The following GPHN variants were observed in gnomAD, a reference collection of about 807,000 sequenced individuals.
GPHN encodes the protein gephyrin.
Under a neutral mutation model 95.5 loss-of-function variants are expected in GPHN, and 17 were observed. That is an observed-to-expected ratio of 0.18 (90% CI 0.12 to 0.27). GPHN has a LOEUF of 0.27. Among genes scored for constraint, GPHN ranks in the 10% least tolerant of loss-of-function variants. The pLI is 1.00. For synonymous variants in GPHN, 320 were observed against 322.5 expected (o/e 0.99, Z 0.08); for missense variants, 660 against 978.1 (o/e 0.67, Z 4.34).
intron 2 of GPHN, chr14:66,760,729 T>A: frequency 2.2e-6 from 1 of 464,856 alleles, no homozygotes; most frequent in Non-Finnish European, 4.1e-6. Flanking sequence ...TTATAGTGGA[T>A]AATTCATTTG....
the GPHN span, among the ~76,000 whole-genome samples, chr14:67,526,084 G>A: frequency 6.6e-6 from 1 of 152,174 alleles, no homozygotes; most frequent in Non-Finnish European, 1.5e-5. Context: ...CTTTGTGTGG[G>A]TCCACTTTAG....
the GPHN span, chr14:67,727,340 G>A: frequency 8.2e-6 from 6 of 727,370 alleles, no homozygotes; most frequent in South Asian, 9.3e-5. Flanking sequence ...AATAAAAACA[G>A]AGTGCTTGCC....
intron 10 of GPHN, among the ~76,000 whole-genome samples, chr14:67,052,496 A>G (rs2075351578): frequency 6.6e-6 from 1 of 152,190 alleles, no homozygotes; most frequent in African/African-American, 2.4e-5. Flanking sequence ...CCACACAATA[A>G]TAGTGGGAGG....
intron 2 of GPHN, among the ~76,000 whole-genome samples, chr14:66,687,571 C>T (rs1054160196): frequency 1.3e-5 from 2 of 150,432 alleles, no homozygotes; most frequent in African/African-American, 2.5e-5. Flanking sequence ...TCACCGCAAC[C>T]TCTCGCCTCC....
intron 3 of GPHN, among the ~76,000 whole-genome samples, chr14:66,814,779 A>G (rs1317731819): frequency 6.6e-6 from 1 of 152,152 alleles, no homozygotes. Context: ...TGACCACACC[A>G]TCTCTCCAGC....
At chr14:66,516,905 G>A (rs1163979320) in intron 1 of GPHN, among the ~76,000 whole-genome samples, 2 of 152,070 alleles carry the variant, frequency 1.3e-5, no homozygotes, top group African/African-American at 2.4e-5. Context: ...GCTGAGGCGG[G>A]CAGATCACGA....
At chr14:67,020,696 G>A (rs533606626) in intron 9 of GPHN, among the ~76,000 whole-genome samples, 1 of 151,976 alleles carries the variant, frequency 6.6e-6, no homozygotes, top group Non-Finnish European at 1.5e-5. Flanking sequence ...ATAATATGCT[G>A]TTCCTACATG....
chr14:66,763,712 G>T (rs1310417099), intron 2 of GPHN, among the ~76,000 whole-genome samples: 1 of 151,978 alleles, frequency 6.6e-6, no homozygotes, highest in Admixed American at 6.6e-5. Context: ...TTCAAGCAGG[G>T]TTCCCCAAAC....
At chr14:67,204,581 A>T in the GPHN span, 1 of 1,613,696 alleles carries the variant, frequency 6.2e-7, no homozygotes, top group Non-Finnish European at 8.5e-7. Flanking sequence ...CATGATGCGG[A>T]GAACATGAGC....
At chr14:67,734,646 G>C in the GPHN span, among the ~76,000 whole-genome samples, 1 of 152,194 alleles carries the variant, frequency 6.6e-6, no homozygotes, top group East Asian at 1.9e-4. Flanking sequence ...TGTAGCTGCT[G>C]GGAGGAATCC....
the GPHN span, chr14:67,685,167 T>C: frequency 6.2e-7 from 1 of 1,614,142 alleles, no homozygotes; most frequent in Non-Finnish European, 8.5e-7. Context: ...CAGATTGGAC[T>C]GTGCCAGGGT....
At chr14:66,776,245 A>G (rs1411768363) in intron 2 of GPHN, among the ~76,000 whole-genome samples, 1 of 152,118 alleles carries the variant, frequency 6.6e-6, no homozygotes, top group Non-Finnish European at 1.5e-5. Flanking sequence ...TTATGGGTAA[A>G]AAATCTAACA....
the GPHN span, chr14:67,592,278 T>TA: frequency 0.027 from 9,110 of 334,518 alleles, no homozygotes; most frequent in South Asian, 0.048. Flanking sequence ...CTACTAAAAA[T>TA]AAAAAAAAAA....
the GPHN span, among the ~76,000 whole-genome samples, chr14:67,557,022 C>T: frequency 1.3e-5 from 2 of 152,222 alleles, no homozygotes; most frequent in African/African-American, 4.8e-5. Flanking sequence ...CTCCTCTGCC[C>T]TCCTCTTACC....
intron 12 of GPHN, among the ~76,000 whole-genome samples, chr14:67,091,519 A>G (rs2077145389): frequency 6.6e-6 from 1 of 151,998 alleles, no homozygotes; most frequent in Non-Finnish European, 1.5e-5. Flanking sequence ...TTACTTCCAG[A>G]GTAGAGCAAA....
chr14:67,163,157 T>C (rs114205864), intron 19 of GPHN, among the ~76,000 whole-genome samples: 1,647 of 151,558 alleles, frequency 0.011, 26 homozygotes, highest in African/African-American at 0.037. Flanking sequence ...ATAAAAAAAA[T>C]TAGGTGGGCA....
intron 3 of GPHN, among the ~76,000 whole-genome samples, chr14:66,816,007 G>A (rs763804331): frequency 2.0e-5 from 3 of 152,104 alleles, no homozygotes; most frequent in Non-Finnish European, 4.4e-5. Context: ...AAGGGTTGCA[G>A]TTCTACTTTC....
the GPHN span, among the ~76,000 whole-genome samples, chr14:67,675,599 C>T: frequency 6.6e-6 from 1 of 152,174 alleles, no homozygotes; most frequent in Non-Finnish European, 1.5e-5. Context: ...TAGGCTGCCT[C>T]GTGCACTTGT....
chr14:66,568,572 A>G (rs1163718510), intron 1 of GPHN, among the ~76,000 whole-genome samples: 3 of 152,162 alleles, frequency 2.0e-5, no homozygotes, highest in Non-Finnish European at 4.4e-5. Context: ...TTAATGAAAA[A>G]GTATGAGTAA....
Sources: allele counts gnomAD v4.1 joint callset (sites outside exome capture counted in the v4.1 genomes callset), GRCh38; gene constraint gnomAD v4.1.1; transcripts MANE v1.5; gene names NCBI Gene and HGNC (gene_info 2026-07-23, HGNC 2026-07-21).